The following CEP162 variants were observed in gnomAD, a reference collection of about 807,000 sequenced individuals.
The protein encoded by CEP162 is centrosomal protein of 162 kDa.
In CEP162, 141 loss-of-function variants were observed where a neutral mutation model predicts 169.2. The ratio of observed to expected loss-of-function variants is 0.83; its 90% CI spans 0.73 to 0.96. The LOEUF is 0.96. CEP162 is among the 40% of genes least tolerant of loss of function. The probability of loss-of-function intolerance (pLI) is 0.00; values close to 1 mark genes in which losing one functional copy is unlikely to be tolerated. For synonymous variants in CEP162, 540 were observed against 526.4 expected (o/e 1.03, Z -0.35); for missense variants, 1,600 against 1,587.2 (o/e 1.01, Z -0.14).
intron 11 of CEP162, among the ~76,000 whole-genome samples, chr6:84,190,718 C>T (rs1010456372): frequency 6.6e-6 from 1 of 152,188 alleles, no homozygotes; most frequent in Non-Finnish European, 1.5e-5. Flanking sequence ...GGACAGACTC[C>T]AGACGCGCCA....
At chr6:84,159,523 T>TTTTATATATATATA (rs1244967462) in intron 21 of CEP162, among the ~76,000 whole-genome samples, 4 of 37,138 alleles carry the variant, frequency 1.1e-4, no homozygotes, top group African/African-American at 4.4e-4. Flanking sequence ...AATTAATTAT[T>TTTTATATATATATA]TATATATATA....
chr6:84,172,038 C>CCTG (rs1292235182), intron 16 of CEP162, among the ~76,000 whole-genome samples: 1 of 152,110 alleles, frequency 6.6e-6, no homozygotes, highest in African/African-American at 2.4e-5. Context: ...ATCACCACAT[C>CCTG]CTGACTGTGT....
intron 18 of CEP162, among the ~76,000 whole-genome samples, chr6:84,169,122 A>G (rs530462488): frequency 6.6e-6 from 1 of 152,284 alleles, no homozygotes; most frequent in South Asian, 2.1e-4. Context: ...ACATCTAAAA[A>G]CAGTAATATA....
chr6:84,143,719 C>A (rs574532396), intron 25 of CEP162, among the ~76,000 whole-genome samples: 3 of 151,832 alleles, frequency 2.0e-5, no homozygotes, highest in East Asian at 3.9e-4. Context: ...TAAAAATGAG[C>A]CTTAATGTCA....
At chr6:84,125,490 T>C (rs927994961) in intron 26 of CEP162, among the ~76,000 whole-genome samples, 1 of 152,106 alleles carries the variant, frequency 6.6e-6, no homozygotes, top group Non-Finnish European at 1.5e-5. Context: ...AATTCATATG[T>C]TGAATTTCCT....
intron 11 of CEP162, among the ~76,000 whole-genome samples, chr6:84,192,597 G>A (rs1368934266): frequency 3.3e-5 from 5 of 152,344 alleles, no homozygotes; most frequent in African/African-American, 9.6e-5. Context: ...ATCACCACAT[G>A]TGGATTTACA....
In CEP162 at chr6:84,201,257, A is replaced by G. The variant is rs138231185; in HGVS notation, c.719-352T>C. On this transcript the variant is annotated intron_variant, in intron 8 of 26. Coordinates refer to ENST00000403245, the MANE Select transcript of CEP162 (RefSeq NM_014895.4). ...TACACCATTGCACTCCAGCCTGGGC[A>G]ACAGAGCGAGAGTCTGTCTCACAAA... 3.3e-5 allele frequency among the ~76,000 whole-genome samples: 5 copies of G among 151,572 alleles called. No individual in the cohort carries two copies. In the East Asian group the frequency reaches 7.7e-4, roughly 23 times the overall value.
intron 25 of CEP162, among the ~76,000 whole-genome samples, chr6:84,134,919 T>TATACAC (rs1457258897): frequency 7.8e-4 from 115 of 148,370 alleles, no homozygotes; most frequent in African/African-American, 2.6e-3. Context: ...AGATCATATA[T>TATACAC]ACACACACAC....
intron 9 of CEP162, among the ~76,000 whole-genome samples, chr6:84,195,533 T>C (rs1359083634): frequency 6.6e-6 from 1 of 152,258 alleles, no homozygotes; most frequent in Non-Finnish European, 1.5e-5. Flanking sequence ...AAAGCTGCTA[T>C]GATCAAAAGC....
In CEP162 at chr6:84,213,811, A is replaced by G. The variant is rs891869418; in HGVS notation, c.504-787T>C. The stretch of plus-strand genomic sequence containing the variant: ...AAAGTTGTGGCCCACAAACCCGCGC[A>G]TGCTTAATCTGTATTGACAACGTTG... On this transcript the variant is annotated intron_variant, in intron 5 of 26. Transcript: ENST00000403245. Among the ~76,000 whole-genome samples the G allele has an allele frequency of 4.6e-5, 7 of 152,218 alleles. 1 individual carries two copies. Among genetic ancestry groups the G allele is most frequent in the Admixed American group, 3.3e-4 (5 of 15,284 alleles).
intron 13 of CEP162, among the ~76,000 whole-genome samples, chr6:84,183,695 G>A (rs2099535875): frequency 6.6e-6 from 1 of 152,034 alleles, no homozygotes; most frequent in South Asian, 2.1e-4. Context: ...CACATCATCA[G>A]CTTCACTTGG....
At position 84,215,781 on chromosome 6, in the gene CEP162, G is replaced by GT; in HGVS notation, c.313dup (p.Thr105AsnfsTer3). 1 of 1,585,198 alleles carries GT rather than the reference G, an allele frequency of 6.3e-7. No homozygotes were observed. Among genetic ancestry groups the GT allele is most frequent in the Non-Finnish European group, 8.6e-7 (1 of 1,163,790 alleles). On this transcript the variant is annotated frameshift_variant, in exon 4 of 27. Coordinates refer to ENST00000403245, the MANE Select transcript of CEP162 (RefSeq NM_014895.4). LOFTEE classifies it high-confidence loss of function. Reference sequence around the variant, plus strand: ...ATATCCCTTGCATTTCTTACCATTTGTTTCTAAGCTATCAGTACTTAAGAG... The same window carrying GT: ...ATATCCCTTGCATTTCTTACCATTTGTTTTCTAAGCTATCAGTACTTAAGAG...
At chr6:84,214,335 T>C (rs1260742152) in intron 5 of CEP162, among the ~76,000 whole-genome samples, 1 of 152,200 alleles carries the variant, frequency 6.6e-6, no homozygotes, top group Non-Finnish European at 1.5e-5. Flanking sequence ...CACAGCCCAT[T>C]GTGTGTGAAT....
At chr6:84,162,554 G>A (rs1205919781) in intron 19 of CEP162, among the ~76,000 whole-genome samples, 2 of 152,076 alleles carry the variant, frequency 1.3e-5, no homozygotes, top group Non-Finnish European at 2.9e-5. Flanking sequence ...CTAAGTTATA[G>A]AACATACTTC....
At position 84,204,111 on chromosome 6, in the gene CEP162, T is replaced by A; in HGVS notation, c.572-15A>T. The A allele has an allele frequency of 6.7e-7, 1 of 1,493,040 alleles. No individual in the cohort carries two copies. The highest frequency in any genetic ancestry group is 2.3e-5 in the East Asian group (1 of 44,064). The allele number at this position is 1,493,040 out of a possible 1,614,324, so 92.5% of individuals were successfully genotyped here. On this transcript the variant is annotated splice_polypyrimidine_tract_variant and intron_variant, in intron 6 of 26. Transcript: ENST00000403245. ...ACTGTAATTTTCTGAAGAAAGTAAT[T>A]TTTAAAAGTACAAAGACCACATTGT...
chr6:84,151,037 G>T (rs536650230), intron 23 of CEP162, among the ~76,000 whole-genome samples: 1 of 152,168 alleles, frequency 6.6e-6, no homozygotes, highest in Admixed American at 6.6e-5. Flanking sequence ...CAATTTCCTG[G>T]GAAGTTCCAC....
intron 13 of CEP162, among the ~76,000 whole-genome samples, chr6:84,176,114 A>G (rs1189961525): frequency 6.6e-6 from 1 of 152,172 alleles, no homozygotes; most frequent in Non-Finnish European, 1.5e-5. Context: ...TCAATAAACA[A>G]TATCTGATTG....
chr6:84,222,765 C>T (rs964467219), intron 2 of CEP162, among the ~76,000 whole-genome samples: 7 of 149,842 alleles, frequency 4.7e-5, no homozygotes, highest in African/African-American at 1.3e-4. Flanking sequence ...AGGGCGCACA[C>T]GCGCGTGCAC....
At chr6:84,163,351 T>C in intron 18 of CEP162, 81 bp from the exon 19 acceptor site, 14 of 1,017,670 alleles carry the variant, frequency 1.4e-5, no homozygotes, top group Non-Finnish European at 1.9e-5. Context: ...CAATCCATCA[T>C]GAACACTACG....
Sources: allele counts gnomAD v4.1 joint callset (sites outside exome capture counted in the v4.1 genomes callset), GRCh38; gene constraint gnomAD v4.1.1; transcripts MANE v1.5; gene names NCBI Gene and HGNC (gene_info 2026-07-23, HGNC 2026-07-21).